The following FABP12 variants were observed in gnomAD, a reference collection of about 807,000 sequenced individuals.
The protein encoded by FABP12 is fatty acid binding protein 12.
In FABP12, 19 loss-of-function variants were observed where a neutral mutation model predicts 13.7. That is an observed-to-expected ratio of 1.39 (90% CI 0.97 to 2.04). The LOEUF is 2.04. Ranked by LOEUF, FABP12 falls within the 30% of genes most tolerant of loss-of-function variation. The probability of loss-of-function intolerance (pLI) is 0.00; values close to 1 mark genes in which losing one functional copy is unlikely to be tolerated. For missense variants in FABP12, 182 were observed against 164.2 expected (o/e 1.11, Z -0.59); for synonymous variants, 61 against 57.0 (o/e 1.07, Z -0.32).
chr8:81,525,640 T>C (rs563579304), intron 4 of FABP12, among the ~76,000 whole-genome samples: 2 of 152,346 alleles, frequency 1.3e-5, no homozygotes, highest in East Asian at 3.9e-4. Context: ...ATATAACCTA[T>C]GTATGGCGAA....
Position 81,560,231 on chromosome 8 carries a change from A to G in FABP12, c.-184-20488T>C, listed in dbSNP as rs537158552. Among the ~76,000 whole-genome samples the G allele has an allele frequency of 3.9e-4, 60 of 152,292 alleles. No individual in the cohort carries two copies. The South Asian group carries it at 7.3e-3, about 18-fold the overall frequency. ...AAATAACCAGACATAATTGGCCCCT[A>G]CTGCCCTCCCCTTGGCAGGTAATCA... On this transcript the variant is annotated intron_variant, in intron 1 of 5. Transcript: ENST00000692030.
chr8:81,585,144 CA>C (rs1207826370), intron 1 of FABP12, among the ~76,000 whole-genome samples: 1 of 152,054 alleles, frequency 6.6e-6, no homozygotes, highest in Admixed American at 6.6e-5. Flanking sequence ...GGTCACAGCC[CA>C]AAAATCTGCC....
intron 1 of FABP12, among the ~76,000 whole-genome samples, chr8:81,581,502 A>T (rs1315378427): frequency 1.3e-5 from 2 of 152,206 alleles, no homozygotes; most frequent in East Asian, 3.8e-4. Context: ...ATACAGTGCC[A>T]AAAAGGTCTT....
chr8:81,550,587 GA>G (rs1191656029), intron 1 of FABP12, among the ~76,000 whole-genome samples: 12 of 152,110 alleles, frequency 7.9e-5, no homozygotes, highest in African/African-American at 2.2e-4. Context: ...TATGGTGAGT[GA>G]AAACACAGTC....
At chr8:81,525,157 G>T in intron 4 of FABP12, 37 bp from the exon 5 acceptor site, 1 of 1,307,596 alleles carries the variant, frequency 7.6e-7, no homozygotes, top group Non-Finnish European at 1.1e-6. Context: ...TTTCAGTATA[G>T]TTAGTGAAAT....
At position 81,548,353 on chromosome 8, in the gene FABP12, T is replaced by C. The variant is rs77070511; in HGVS notation, c.-184-8610A>G. ...AAAACACATTGTACAGAAATGCATA[T>C]AAATAGAACACACTTAGAAAACTAT... On this transcript the variant is annotated intron_variant, in intron 1 of 5. Coordinates refer to the FABP12 transcript ENST00000692030. Among the ~76,000 whole-genome samples, 1,287 of 152,288 alleles carry C rather than the reference T, an allele frequency of 8.5e-3. 3 individuals are homozygous for C. Among genetic ancestry groups the C allele is most frequent in the Non-Finnish European group, 0.014 (986 of 68,016 alleles).
intron 1 of FABP12, among the ~76,000 whole-genome samples, chr8:81,532,037 A>G (rs1034473275): frequency 6.6e-6 from 1 of 152,174 alleles, no homozygotes; most frequent in Non-Finnish European, 1.5e-5. Context: ...CATCATTGCC[A>G]TGAGAACACC....
intron 2 of FABP12, 50 bp from the exon 3 acceptor site, chr8:81,529,660 ATACAT>A: frequency 1.4e-6 from 2 of 1,463,722 alleles, no homozygotes; most frequent in South Asian, 1.2e-5. Flanking sequence ...AGAATTACAA[ATACAT>A]TACATTACAA....
intron 1 of FABP12, among the ~76,000 whole-genome samples, chr8:81,551,988 G>C (rs1157855488): frequency 6.6e-6 from 1 of 152,050 alleles, no homozygotes; most frequent in Non-Finnish European, 1.5e-5. Flanking sequence ...CAAGGCAAAC[G>C]AGGTCCTTGT....
chr8:81,526,924 G>A (rs1808915948), intron 4 of FABP12, 96 bp downstream of exon 4: 3 of 688,348 alleles, frequency 4.4e-6, no homozygotes, highest in South Asian at 2.1e-5. Flanking sequence ...ATGAGAACAA[G>A]GAAAATGGCA....
intron 1 of FABP12, among the ~76,000 whole-genome samples, chr8:81,588,831 G>A (rs79245670): frequency 0.019 from 2,917 of 152,314 alleles, 66 homozygotes; most frequent in African/African-American, 0.056. Flanking sequence ...CACCACAGGA[G>A]GAGAAACAAA....
At chr8:81,570,288 A>G (rs944362023) in intron 1 of FABP12, among the ~76,000 whole-genome samples, 1 of 152,144 alleles carries the variant, frequency 6.6e-6, no homozygotes, top group Non-Finnish European at 1.5e-5. Flanking sequence ...TGCTCACAAC[A>G]TGGCAAGCGA....
intron 1 of FABP12, among the ~76,000 whole-genome samples, chr8:81,542,689 G>A (rs752241178): frequency 9.2e-5 from 14 of 152,166 alleles, no homozygotes; most frequent in Middle Eastern, 3.2e-3. Context: ...CTGCAGACAA[G>A]CCATTGGGTC....
intron 1 of FABP12, among the ~76,000 whole-genome samples, chr8:81,559,279 G>A (rs1377350978): frequency 1.3e-5 from 2 of 152,212 alleles, no homozygotes; most frequent in Admixed American, 1.3e-4. Context: ...TGGCTGCACA[G>A]TAGCAGTCCC....
At chr8:81,577,332 G>A (rs1448324074) in intron 1 of FABP12, among the ~76,000 whole-genome samples, 2 of 152,120 alleles carry the variant, frequency 1.3e-5, no homozygotes, top group African/African-American at 4.8e-5. Flanking sequence ...TTCAGTGGAG[G>A]TATTTCCTTC....
chr8:81,546,360 A>G (rs1809433893), intron 1 of FABP12, among the ~76,000 whole-genome samples: 1 of 152,152 alleles, frequency 6.6e-6, no homozygotes, highest in Non-Finnish European at 1.5e-5. Flanking sequence ...ATTGTGTCAT[A>G]AATTTCAAAA....
intron 1 of FABP12, among the ~76,000 whole-genome samples, chr8:81,556,758 T>C (rs892550229): frequency 4.7e-5 from 7 of 147,640 alleles, no homozygotes; most frequent in Non-Finnish European, 9.0e-5. Flanking sequence ...ATTTTAAATA[T>C]ATATTTATAT....
At chr8:81,527,268 T>C in intron 3 of FABP12, 147 bp from the exon 4 acceptor site, 1 of 480,186 alleles carries the variant, frequency 2.1e-6, no homozygotes, top group Non-Finnish European at 3.6e-6. Context: ...TAAGACTTTG[T>C]CAGCAGTAAA....
chr8:81,543,428 T>C (rs1050810756), intron 1 of FABP12, among the ~76,000 whole-genome samples: 4 of 152,212 alleles, frequency 2.6e-5, no homozygotes, highest in African/African-American at 9.6e-5. Flanking sequence ...AAAACTAGTT[T>C]AGCGCCTGGG....
Sources: gnomAD v4.1 joint callset for allele counts (sites outside exome capture counted in the v4.1 genomes callset) on GRCh38, gnomAD v4.1.1 for gene constraint, MANE v1.5 for transcripts, NCBI Gene and HGNC (gene_info 2026-07-23, HGNC 2026-07-21) for gene names.